The following MAMDC2 variants were observed in gnomAD, a reference collection of about 807,000 sequenced individuals.
The protein encoded by MAMDC2 is MAM domain-containing protein 2.
A neutral mutation model predicts 89.8 loss-of-function variants in MAMDC2; 57 were observed. The ratio of observed to expected loss-of-function variants is 0.63; its 90% confidence interval spans 0.51 to 0.79. The LOEUF is 0.79. Ranked by LOEUF, MAMDC2 falls within the 30% of genes least tolerant of loss-of-function variation. MAMDC2 has a pLI of 0.00. For missense variants in MAMDC2, 800 were observed against 820.6 expected (o/e 0.97, Z 0.31); for synonymous variants, 313 against 293.4 (o/e 1.07, Z -0.68).
At chr9:70,157,056 C>T (rs1026429176) in intron 9 of MAMDC2, among the ~76,000 whole-genome samples, 2 of 152,188 alleles carry the variant, frequency 1.3e-5, no homozygotes, top group Non-Finnish European at 2.9e-5. Flanking sequence ...TCCGAAAAGA[C>T]AGACCAGGCA....
At position 70,108,434 on chromosome 9, in the gene MAMDC2, C is replaced by G; in HGVS notation, c.372C>G (p.Ser124Arg). 1 of 1,612,264 alleles carries G rather than the reference C, an allele frequency of 6.2e-7. No individual in the cohort carries two copies. The highest frequency in any genetic ancestry group is 8.5e-7 in the Non-Finnish European group (1 of 1,179,418). ...GGTCAGCTAAGGAACCTTCAGACAG[C>G]TGGCTCATAGCCAGCTTGGATTTGC... Reference protein sequence around the residue: ...LLWSAKEPSDSWLIASLDLQN... With the variant: ...LLWSAKEPSDRWLIASLDLQN... The change falls in exon 3 of 14, where the codon AGC (serine) becomes AGG (arginine). Residue 124 changes from serine to arginine, a missense_variant. Physicochemically the swap from Ser to Arg is moderately radical, Grantham distance 110. Transcript: ENST00000377182.
At chr9:70,045,621 G>A (rs1005361965) in intron 2 of MAMDC2, among the ~76,000 whole-genome samples, 2 of 152,126 alleles carry the variant, frequency 1.3e-5, no homozygotes, top group Non-Finnish European at 2.9e-5. Flanking sequence ...CTCCCTGGGG[G>A]AGGATGGAGC....
intron 2 of MAMDC2, among the ~76,000 whole-genome samples, chr9:70,099,761 G>T (rs921052351): frequency 6.6e-6 from 1 of 152,042 alleles, no homozygotes; most frequent in South Asian, 2.1e-4. Flanking sequence ...GATCACCTGA[G>T]GTCAGTAGTT....
chr9:70,060,840 C>T (rs1256729444), intron 2 of MAMDC2, among the ~76,000 whole-genome samples: 1 of 152,202 alleles, frequency 6.6e-6, no homozygotes, highest in African/African-American at 2.4e-5. Flanking sequence ...AATTCTCTTC[C>T]CTTCCCCTAA....
intron 7 of MAMDC2, among the ~76,000 whole-genome samples, chr9:70,138,382 C>A (rs1563970780): frequency 6.6e-6 from 1 of 152,132 alleles, no homozygotes; most frequent in Non-Finnish European, 1.5e-5. Flanking sequence ...AGTGCATCAT[C>A]TTTTTGATAT....
At chr9:70,061,909 A>G (rs1245135239) in intron 2 of MAMDC2, among the ~76,000 whole-genome samples, 1 of 152,206 alleles carries the variant, frequency 6.6e-6, no homozygotes, top group Admixed American at 6.5e-5. Flanking sequence ...CAGGTGGACT[A>G]AAACCCTTGG....
chr9:70,112,913 T>A, intron 4 of MAMDC2, 82 bp from the exon 5 acceptor site: 1 of 1,550,148 alleles, frequency 6.5e-7, no homozygotes, highest in Non-Finnish European at 8.9e-7. Context: ...CTTCTGAATA[T>A]CTAAGAGCAA....
chr9:70,173,417 C>T (rs2032411026), intron 11 of MAMDC2, among the ~76,000 whole-genome samples: 1 of 151,972 alleles, frequency 6.6e-6, no homozygotes, highest in South Asian at 2.1e-4. Context: ...ATCTATAAAC[C>T]TTCACTGACA....
intron 11 of MAMDC2, among the ~76,000 whole-genome samples, chr9:70,179,563 AT>A: frequency 6.6e-6 from 1 of 150,692 alleles, no homozygotes; most frequent in Admixed American, 6.6e-5. Flanking sequence ...ATAAAATAAA[AT>A]AAGGCATAGA....
intron 2 of MAMDC2, among the ~76,000 whole-genome samples, chr9:70,093,374 T>C (rs1280805493): frequency 6.6e-6 from 1 of 152,052 alleles, no homozygotes; most frequent in Non-Finnish European, 1.5e-5. Context: ...AGTTACTCAT[T>C]ATCTTCTGAT....
At chr9:70,140,814 A>G (rs1205915106) in intron 8 of MAMDC2, among the ~76,000 whole-genome samples, 2 of 152,222 alleles carry the variant, frequency 1.3e-5, no homozygotes, top group Non-Finnish European at 2.9e-5. Context: ...ATATTTTACT[A>G]TAATTTAAAA....
chr9:70,048,657 C>T (rs1322707458), intron 2 of MAMDC2, among the ~76,000 whole-genome samples: 4 of 152,150 alleles, frequency 2.6e-5, no homozygotes. Flanking sequence ...TAAAAAAAAT[C>T]ATCTTTATTC....
At chr9:70,179,731 A>G (rs1165758083) in intron 11 of MAMDC2, among the ~76,000 whole-genome samples, 2 of 150,884 alleles carry the variant, frequency 1.3e-5, no homozygotes, top group African/African-American at 2.4e-5. Context: ...CAGGATGGGT[A>G]TAGTGTGTAG....
chr9:70,100,775 G>C (rs979714418), intron 2 of MAMDC2, among the ~76,000 whole-genome samples: 1 of 152,178 alleles, frequency 6.6e-6, no homozygotes, highest in Non-Finnish European at 1.5e-5. Context: ...AAAGTGAAAC[G>C]AATGAGGCCT....
intron 10 of MAMDC2, among the ~76,000 whole-genome samples, chr9:70,169,171 G>T (rs1289746796): frequency 2.6e-5 from 4 of 152,088 alleles, no homozygotes; most frequent in African/African-American, 9.7e-5. Context: ...CAATATTAAT[G>T]AAATTTTTAT....
At chr9:70,069,170 A>G (rs1434659700) in intron 2 of MAMDC2, among the ~76,000 whole-genome samples, 2 of 152,228 alleles carry the variant, frequency 1.3e-5, no homozygotes, top group East Asian at 1.9e-4. Context: ...TCTTTCTGTC[A>G]CAGATTTTTC....
At chr9:70,171,023 G>A (rs931285826) in intron 11 of MAMDC2, 3 of 182,420 alleles carry the variant, frequency 1.6e-5, no homozygotes, top group African/African-American at 7.0e-5. Flanking sequence ...CAAGCTTTCA[G>A]TAGCCAAAAC....
intron 7 of MAMDC2, among the ~76,000 whole-genome samples, chr9:70,137,182 AT>A (rs1326641603): frequency 6.6e-6 from 1 of 151,930 alleles, no homozygotes; most frequent in Non-Finnish European, 1.5e-5. Flanking sequence ...GAGCTCTTTA[AT>A]TTTCTATCAT....
Position 70,046,508 on chromosome 9 carries a change from G to C in MAMDC2, c.148+1811G>C, listed in dbSNP as rs551756073. Among the ~76,000 whole-genome samples the C allele has an allele frequency of 4.0e-4, 61 of 152,264 alleles. No homozygotes were observed. The South Asian group carries it at 0.013, about 32-fold the overall frequency. On this transcript the variant is annotated intron_variant, in intron 2 of 13. Transcript: ENST00000377182. ...AGTTAGTCTCTGAGTTCCTGCCTCC[G>C]GCCCTCTGTCAGGATGGGGGCCCCC...
Sources: gnomAD v4.1 joint callset for allele counts (sites outside exome capture counted in the v4.1 genomes callset) on GRCh38, gnomAD v4.1.1 for gene constraint, MANE v1.5 for transcripts, NCBI Gene and HGNC (gene_info 2026-07-23, HGNC 2026-07-21) for gene names.